The following ADAMTS16 variants were observed in gnomAD, a reference collection of about 807,000 sequenced individuals.
ADAMTS16 encodes the protein A disintegrin and metalloproteinase with thrombospondin motifs 16.
ADAMTS16 carries 94 observed loss-of-function variants against 145.8 expected under a neutral mutation model. The ratio of observed to expected loss-of-function variants is 0.64; its 90% CI spans 0.55 to 0.77. The LOEUF (loss-of-function observed/expected upper bound fraction) is 0.77, where lower values mean the gene tolerates loss of function less well. ADAMTS16 is among the 30% of genes least tolerant of loss of function. The pLI, the probability that ADAMTS16 is intolerant of heterozygous loss-of-function variation, is 0.00. For missense variants in ADAMTS16, 1,585 were observed against 1,591.5 expected (o/e 1.00, Z 0.07); for synonymous variants, 659 against 604.3 (o/e 1.09, Z -1.33).
intron 9 of ADAMTS16, among the ~76,000 whole-genome samples, chr5:5,202,360 C>T (rs1042729205): frequency 1.3e-5 from 2 of 152,094 alleles, no homozygotes; most frequent in African/African-American, 4.8e-5. Context: ...TGGGAATATA[C>T]ACTTGATCAT....
chr5:5,303,263 C>T lies in ADAMTS16; in HGVS notation c.2790-5C>T, dbSNP rs778909220. 13 of 1,551,988 alleles carry T rather than the reference C, an allele frequency of 8.4e-6. 1 individual carries two copies. The South Asian group carries it at 1.2e-4, about 15-fold the overall frequency. On this transcript the variant is annotated splice_region_variant and splice_polypyrimidine_tract_variant and intron_variant, in intron 18 of 22. Transcript: ENST00000274181. The stretch of plus-strand genomic sequence containing the variant: ...CCTCACCGAGGTCTCTTTGTCCCTG[C>T]CCAGCTGGTCCGTGGGGAACTGGAG...
chr5:5,275,051 T>C lies in ADAMTS16; in HGVS notation c.2789+12268T>C, dbSNP rs73039121. ...CTTGCATTACAAATCTCTATCTATG[T>C]CCATGCAATTACTGCAAATGTGCTC... On this transcript the variant is annotated intron_variant, in intron 18 of 22. Coordinates refer to ENST00000274181, the MANE Select transcript of ADAMTS16 (RefSeq NM_139056.4). Among the ~76,000 whole-genome samples, 500 of 152,346 alleles carry C rather than the reference T, an allele frequency of 3.3e-3. 4 individuals carry two copies. Among genetic ancestry groups the C allele is most frequent in the African/African-American group, 0.012 (485 of 41,580 alleles).
chr5:5,216,001 T>G (rs1026005671), intron 10 of ADAMTS16, among the ~76,000 whole-genome samples: 2 of 150,542 alleles, frequency 1.3e-5, no homozygotes, highest in Non-Finnish European at 3.0e-5. Flanking sequence ...GCTATAAACA[T>G]GTATGTGCAA....
At position 5,185,965 on chromosome 5, in the gene ADAMTS16, T is replaced by C. The variant is rs897913073; in HGVS notation, c.764-87T>C. Reference sequence around the variant, plus strand: ...GGTTTTTATCATGAGTGTTCATTTTTGAGACCAAATTTCTCTATGACGAGT... The same window carrying C: ...GGTTTTTATCATGAGTGTTCATTTTCGAGACCAAATTTCTCTATGACGAGT... On this transcript the variant is annotated intron_variant, in intron 4 of 22. Transcript: ENST00000274181. 1.3e-5 allele frequency: 16 copies of C among 1,198,572 alleles called. 1 individual carries two copies. The African/African-American group carries it at 2.3e-4, about 17-fold the overall frequency. The allele number at this position is 1,198,572 out of a possible 1,614,324, so 74.2% of individuals were successfully genotyped here.
intron 3 of ADAMTS16, among the ~76,000 whole-genome samples, chr5:5,172,606 C>T (rs78112222): frequency 0.042 from 6,440 of 152,098 alleles, 235 homozygotes; most frequent in Non-Finnish European, 0.058. Flanking sequence ...AGAGAAAATA[C>T]TTGATAGAAT....
At chr5:5,155,298 C>T (rs1042287184) in intron 3 of ADAMTS16, among the ~76,000 whole-genome samples, 1 of 152,136 alleles carries the variant, frequency 6.6e-6, no homozygotes, top group African/African-American at 2.4e-5. Flanking sequence ...CTCGCCCAGT[C>T]CCTGTTTCAT....
At position 5,146,305 on chromosome 5, in the gene ADAMTS16, C is replaced by G; in HGVS notation, c.351C>G (p.Ser117Arg). ...ACATGGATCTGAGGACTTCCAGCAG[C>G]CTAGTGGCTCCTGGCTTTATTGTGC... ...DFHMDLRTSS[S>R]LVAPGFIVQT... The change falls in exon 3 of 23, where the codon AGC (serine) becomes AGG (arginine). Residue 117 changes from serine (S) to arginine (R), a missense_variant. Around this residue, in one of 3 missense-constraint regions of ADAMTS16, gnomAD observed 453 missense variants for 412.1 expected, o/e 1.10. Transcript: ENST00000274181. 1.2e-6 allele frequency: 2 copies of G among 1,614,180 alleles called. No homozygotes were observed. Among genetic ancestry groups the G allele is most frequent in the Non-Finnish European group, 1.7e-6 (2 of 1,180,036 alleles).
intron 18 of ADAMTS16, among the ~76,000 whole-genome samples, chr5:5,266,677 C>G (rs886351401): frequency 7.9e-5 from 12 of 152,104 alleles, no homozygotes; most frequent in African/African-American, 1.2e-4. Context: ...TGGGGATGGC[C>G]CCAGTGGGAA....
At chr5:5,305,099 ACACATCCCACAC>A (rs1740018132) in intron 20 of ADAMTS16, among the ~76,000 whole-genome samples, 4 of 82,704 alleles carry the variant, frequency 4.8e-5, no homozygotes, top group East Asian at 3.8e-4. Context: ...CCACACACAC[ACACATCCCACAC>A]CACACACACA....
chr5:5,198,080 G>T (rs1735855173), intron 8 of ADAMTS16, among the ~76,000 whole-genome samples: 1 of 152,154 alleles, frequency 6.6e-6, no homozygotes, highest in African/African-American at 2.4e-5. Context: ...CCCAGACTTG[G>T]GACATTGTGG....
At chr5:5,290,924 C>A (rs949292083) in intron 18 of ADAMTS16, among the ~76,000 whole-genome samples, 1 of 152,142 alleles carries the variant, frequency 6.6e-6, no homozygotes, top group Non-Finnish European at 1.5e-5. Context: ...GCTCTTCGGG[C>A]GTCACTGAGA....
chr5:5,272,360 A>ATTTTTTT (rs11444357), intron 18 of ADAMTS16, among the ~76,000 whole-genome samples: 1 of 122,508 alleles, frequency 8.2e-6, no homozygotes, highest in Non-Finnish European at 1.6e-5. Context: ...ATTCCAAAGG[A>ATTTTTTT]TTTTTTTTTT....
In ADAMTS16 at chr5:5,311,300, CA is replaced by C. The variant is rs57267931; in HGVS notation, c.3411+4589del. Reference sequence around the variant, plus strand: ...ATGGACCAGGCGAGTTTGACATAGGCAAAAAAAAAAAAAAAAACAAAAAAAC... The same window carrying C: ...ATGGACCAGGCGAGTTTGACATAGGCAAAAAAAAAAAAAAAACAAAAAAAC... On this transcript the variant is annotated intron_variant, in intron 21 of 22. Coordinates refer to ENST00000274181, the MANE Select transcript of ADAMTS16 (RefSeq NM_139056.4). 8.3e-3 allele frequency among the ~76,000 whole-genome samples: 1,063 copies of C among 127,922 alleles called. 15 individuals carry two copies. The highest frequency in any genetic ancestry group is 0.025 in the African/African-American group (836 of 32,866). The allele number at this position is 127,922 out of a possible 152,430, so 83.9% of individuals were successfully genotyped here. A position where few individuals can be genotyped will look rare whatever the true frequency, so the allele number is the denominator to read the frequency against.
Position 5,182,033 on chromosome 5 carries a change from A to AT in ADAMTS16, c.502-5dup, listed in dbSNP as rs1560937357. On this transcript the variant is annotated splice_polypyrimidine_tract_variant and intron_variant, in intron 3 of 22. Transcript: ENST00000274181. ...AATTGTGTTTTCTTTCTTTCCTTTT[A>AT]TTTTTTCCAGTCAGGCATGATACGA... is the stretch of plus-strand genomic sequence containing the variant. 4.4e-6 allele frequency: 7 copies of AT among 1,578,898 alleles called. No homozygotes were observed. Among genetic ancestry groups the AT allele is most frequent in the Non-Finnish European group, 5.2e-6 (6 of 1,162,794 alleles).
In ADAMTS16 at chr5:5,269,288, C is replaced by T. The variant is rs1738375895; in HGVS notation, c.2789+6505C>T. ...TTCACCCTCGCTCCCCTATACTACC[C>T]TGGTCACCTCAGCCTGGATACCCCC... On this transcript the variant is annotated intron_variant, in intron 18 of 22. Coordinates refer to ENST00000274181, the MANE Select transcript of ADAMTS16 (RefSeq NM_139056.4). This position sits in a 1 kb window ranked among gnomAD's most constrained non-coding sequence, Gnocchi z 4.3. Among the ~76,000 whole-genome samples, 1 of 152,090 alleles carries T rather than the reference C, an allele frequency of 6.6e-6. No individual in the cohort carries two copies.
intron 12 of ADAMTS16, among the ~76,000 whole-genome samples, chr5:5,233,867 G>A (rs1737013887): frequency 6.6e-6 from 1 of 152,158 alleles, no homozygotes; most frequent in Non-Finnish European, 1.5e-5. Flanking sequence ...TCAGTAATGG[G>A]ATTGCTGGGT....
intron 17 of ADAMTS16, among the ~76,000 whole-genome samples, chr5:5,262,424 T>G (rs1371381275): frequency 6.6e-6 from 1 of 152,216 alleles, no homozygotes; most frequent in Non-Finnish European, 1.5e-5. Flanking sequence ...GATGTTAATA[T>G]AAAAATATGG....
chr5:5,238,548 G>A (rs1358035657), intron 14 of ADAMTS16, among the ~76,000 whole-genome samples: 1 of 152,064 alleles, frequency 6.6e-6, no homozygotes, highest in Non-Finnish European at 1.5e-5. Flanking sequence ...CTGGCCCTAT[G>A]GATTTCAAGC....
At chr5:5,203,695 G>C (rs1430220886) in intron 9 of ADAMTS16, among the ~76,000 whole-genome samples, 1 of 152,050 alleles carries the variant, frequency 6.6e-6, no homozygotes, top group East Asian at 1.9e-4. Flanking sequence ...CTGTGACTTA[G>C]GGAAATTTTA....
Sources: gnomAD v4.1 joint callset for allele counts (sites outside exome capture counted in the v4.1 genomes callset) on GRCh38, gnomAD v4.1.1 for gene constraint, gnomAD v4.1.1 regional missense constraint, Gnocchi (gnomAD v3.1) non-coding constraint, MANE v1.5 for transcripts, NCBI Gene and HGNC (gene_info 2026-07-23, HGNC 2026-07-21) for gene names.